The following CFAP20DC variants were observed in gnomAD, a reference collection of about 807,000 sequenced individuals.
CFAP20DC encodes CFAP20 domain containing.
A neutral mutation model predicts 101.7 loss-of-function variants in CFAP20DC; 84 were observed. The ratio of observed to expected loss-of-function variants is 0.83; its 90% CI spans 0.69 to 0.99. The LOEUF is 0.99. Among genes scored for constraint, CFAP20DC ranks in the 50% least tolerant of loss-of-function variants. The probability of loss-of-function intolerance (pLI) is 0.00; values close to 1 mark genes in which losing one functional copy is unlikely to be tolerated. For missense variants in CFAP20DC, 1,007 were observed against 970.3 expected (o/e 1.04, Z -0.50); for synonymous variants, 359 against 351.2 (o/e 1.02, Z -0.25).
rs913903354 is a variant in CFAP20DC at position 58,869,777 on chromosome 3, G to A, written c.853-287C>T. On this transcript the variant is annotated intron_variant, in intron 8 of 16. Coordinates refer to ENST00000482387, the MANE Select transcript of CFAP20DC (RefSeq NM_001394063.1). This position sits in a 1 kb window ranked among gnomAD's most constrained non-coding sequence, Gnocchi z 4.3. Reference sequence around the variant, plus strand: ...AGGTAGAAGCCGAATTAAAAATCACGCGTATGTCAGAAATTCGGAGGAAAT... The same window carrying A: ...AGGTAGAAGCCGAATTAAAAATCACACGTATGTCAGAAATTCGGAGGAAAT... 3.9e-5 allele frequency among the ~76,000 whole-genome samples: 6 copies of A among 152,040 alleles called. No homozygotes were observed. Among genetic ancestry groups the A allele is most frequent in the Admixed American group, 1.3e-4 (2 of 15,270 alleles).
Position 58,849,100 on chromosome 3 carries a change from C to T in CFAP20DC, c.1903G>A (p.Ala635Thr). Residue 635 changes from alanine to threonine, a missense_variant, in exon 13 of 17, where the codon GCT becomes ACT. Transcript: ENST00000482387. ...TTCAGGGAGGTTTTGTTTAGTGAAGCTGGCACTTGCTGGGCTGATAGATCC... is the reference window on the plus strand; with the variant it reads ...TTCAGGGAGGTTTTGTTTAGTGAAGTTGGCACTTGCTGGGCTGATAGATCC... ...AKDLSAQQVP[A>T]SLNKTSLKEI... 6.5e-7 allele frequency: 1 copy of T among 1,536,100 alleles called. No individual in the cohort carries two copies. The highest frequency in any genetic ancestry group is 8.7e-7 in the Non-Finnish European group (1 of 1,146,904).
At chr3:59,046,453 T>C in intron 2 of CFAP20DC, 131 bp from the exon 3 acceptor site, 1 of 627,830 alleles carries the variant, frequency 1.6e-6, no homozygotes, top group Non-Finnish European at 2.7e-6. Context: ...GCTCAGGCCT[T>C]AGTACTTTTA....
At chr3:58,995,304 G>C (rs1229729201) in intron 4 of CFAP20DC, among the ~76,000 whole-genome samples, 3 of 149,464 alleles carry the variant, frequency 2.0e-5, no homozygotes, top group Non-Finnish European at 4.4e-5. Context: ...AAAATTCCCA[G>C]AACAACCACT....
intron 1 of CFAP20DC, among the ~76,000 whole-genome samples, chr3:59,048,263 T>C (rs1700025490): frequency 6.6e-6 from 1 of 152,240 alleles, no homozygotes; most frequent in East Asian, 1.9e-4. Context: ...GTAAGGAATT[T>C]CCAGCTTTTA....
At chr3:59,047,136 T>C (rs1699928125) in intron 2 of CFAP20DC, 29 bp downstream of exon 2, 1 of 1,380,392 alleles carries the variant, frequency 7.2e-7, no homozygotes, top group African/African-American at 1.4e-5. Flanking sequence ...CTTCCCCTGA[T>C]TTATGTGGCT....
At position 58,722,250 on chromosome 3, in the gene CFAP20DC, C is replaced by T. The variant is rs1023521701; in HGVS notation, c.198-4622G>A. On this transcript the variant is annotated intron_variant, in intron 3 of 3. Transcript: ENST00000486145. This position sits in a 1 kb window ranked among gnomAD's most constrained non-coding sequence, Gnocchi z 4.5. ...ATTCCAGCCACCAAGTGTTCAGTCA[C>T]CCCCACCCCTTTGAGCCTTTCCAGC... Among the ~76,000 whole-genome samples the T allele has an allele frequency of 3.3e-5, 5 of 152,164 alleles. No homozygotes were observed. The highest frequency in any genetic ancestry group is 3.9e-4 in the East Asian group (2 of 5,184).
intron 3 of CFAP20DC, among the ~76,000 whole-genome samples, chr3:58,731,413 G>C (rs936748545): frequency 6.6e-6 from 1 of 152,174 alleles, no homozygotes; most frequent in Non-Finnish European, 1.5e-5. Flanking sequence ...ATGAATTGTA[G>C]GGCACATTTC....
In CFAP20DC at chr3:58,732,365, C is replaced by G. The variant is rs1013420670; in HGVS notation, c.198-14737G>C. Among the ~76,000 whole-genome samples the G allele has an allele frequency of 6.6e-6, 1 of 152,110 alleles. No individual in the cohort carries two copies. The highest frequency in any genetic ancestry group is 1.5e-5 in the Non-Finnish European group (1 of 68,024). The stretch of plus-strand genomic sequence containing the variant: ...GCTTTGCATAGAAACCTAAGTAGTA[C>G]TTGTTATGATAAAGTTGTAGATATT... On this transcript the variant is annotated intron_variant, in intron 3 of 3. Coordinates refer to the CFAP20DC transcript ENST00000486145. This position sits in a 1 kb window ranked among gnomAD's most constrained non-coding sequence, Gnocchi z 5.4.
chr3:59,004,031 C>T (rs780738724), intron 4 of CFAP20DC, among the ~76,000 whole-genome samples: 1 of 152,138 alleles, frequency 6.6e-6, no homozygotes, highest in Non-Finnish European at 1.5e-5. Context: ...GATATAGTTA[C>T]AGGACAGGGC....
intron 14 of CFAP20DC, among the ~76,000 whole-genome samples, chr3:58,808,733 A>G (rs1416468602): frequency 6.6e-6 from 1 of 152,224 alleles, no homozygotes; most frequent in African/African-American, 2.4e-5. Context: ...TTAAATGTAA[A>G]TGGACTAAAT....
At chr3:58,752,880 T>C (rs2068672522) in intron 16 of CFAP20DC, among the ~76,000 whole-genome samples, 1 of 152,192 alleles carries the variant, frequency 6.6e-6, no homozygotes, top group Admixed American at 6.5e-5. Flanking sequence ...GAGCAATTTA[T>C]ATTGGTTTCA....
At chr3:58,895,761 G>GA (rs1336732228) in intron 6 of CFAP20DC, among the ~76,000 whole-genome samples, 3 of 152,320 alleles carry the variant, frequency 2.0e-5, no homozygotes, top group Admixed American at 6.5e-5. Flanking sequence ...ATTTACAAAA[G>GA]AAAGAGGCTT....
At chr3:58,908,473 G>A (rs972631349) in intron 6 of CFAP20DC, among the ~76,000 whole-genome samples, 3 of 152,066 alleles carry the variant, frequency 2.0e-5, no homozygotes, top group African/African-American at 4.8e-5. Context: ...ATATTAGAAC[G>A]GTGAAATATC....
intron 14 of CFAP20DC, among the ~76,000 whole-genome samples, chr3:58,810,350 C>A (rs577650309): frequency 6.6e-6 from 1 of 152,130 alleles, no homozygotes; most frequent in Admixed American, 6.5e-5. Flanking sequence ...AAAAGCTTAT[C>A]CACCATGATC....
chr3:58,890,421 T>C (rs1248999265), intron 6 of CFAP20DC, among the ~76,000 whole-genome samples: 49 of 118,252 alleles, frequency 4.1e-4, no homozygotes, highest in East Asian at 1.2e-3. Context: ...ACGGGGTGGC[T>C]GGCCGGGCGG....
chr3:58,740,717 T>C (rs1475514178), downstream of CFAP20DC, among the ~76,000 whole-genome samples: 3 of 152,148 alleles, frequency 2.0e-5, no homozygotes, highest in Non-Finnish European at 4.4e-5. The surrounding 1 kb of genome is among the most constrained non-coding windows in gnomAD (Gnocchi z 4.6). Flanking sequence ...ATGTTGTTTT[T>C]GATATTTATA....
chr3:58,807,322 G>C (rs551048550), intron 14 of CFAP20DC, among the ~76,000 whole-genome samples: 5 of 152,286 alleles, frequency 3.3e-5, no homozygotes, highest in African/African-American at 7.2e-5. Flanking sequence ...CCCCCCAGTA[G>C]GGGCAGACTG....
Position 58,722,475 on chromosome 3 carries a change from T to G in CFAP20DC, c.198-4847A>C, listed in dbSNP as rs1480463907. On this transcript the variant is annotated intron_variant, in intron 3 of 3. Transcript: ENST00000486145. This position sits in a 1 kb window ranked among gnomAD's most constrained non-coding sequence, Gnocchi z 4.5. The stretch of plus-strand genomic sequence containing the variant: ...GGCAACTGAGTCGGTTACAATCATC[T>G]GAACTATCATCAGATTGGAACTCAG... 6.6e-6 allele frequency among the ~76,000 whole-genome samples: 1 copy of G among 152,210 alleles called. No homozygotes were observed. The highest frequency in any genetic ancestry group is 2.4e-5 in the African/African-American group (1 of 41,456).
At chr3:58,803,323 T>C (rs976003786) in intron 15 of CFAP20DC, among the ~76,000 whole-genome samples, 2 of 152,228 alleles carry the variant, frequency 1.3e-5, no homozygotes, top group Admixed American at 1.3e-4. Flanking sequence ...AGAGCCTCCA[T>C]ACCAGAATTT....
Sources: gnomAD v4.1 joint callset for allele counts (sites outside exome capture counted in the v4.1 genomes callset) on GRCh38, gnomAD v4.1.1 for gene constraint, Gnocchi (gnomAD v3.1) non-coding constraint, MANE v1.5 for transcripts, NCBI Gene and HGNC (gene_info 2026-07-23, HGNC 2026-07-21) for gene names.